Variants in DSC2 observed in about 807,000 individuals in gnomAD.
DSC2 encodes the protein desmocollin 2, also known as desmocollin-2.
In DSC2, 51 loss-of-function variants were observed where a neutral mutation model predicts 87.6. The observed-to-expected ratio is 0.58, with a 90% CI of 0.46 to 0.74. The LOEUF is 0.74. Ranked by LOEUF, DSC2 falls within the 30% of genes least tolerant of loss-of-function variation. DSC2 has a pLI of 0.00. For missense variants in DSC2, 1,066 were observed against 1,089.5 expected (o/e 0.98, Z 0.30); for synonymous variants, 383 against 393.2 (o/e 0.97, Z 0.31).
intron 12 of DSC2, among the ~76,000 whole-genome samples, chr18:31,072,985 A>T (rs1031495112): frequency 4.6e-5 from 7 of 152,214 alleles, no homozygotes; most frequent in African/African-American, 1.7e-4. Context: ...CCATTTTAGT[A>T]AATTGATGCT....
At chr18:31,096,649 TA>T (rs1987769291) in intron 1 of DSC2, among the ~76,000 whole-genome samples, 1 of 152,156 alleles carries the variant, frequency 6.6e-6, no homozygotes, top group Non-Finnish European at 1.5e-5. Context: ...CCAAATTCAA[TA>T]ACCATTCTTA....
intron 11 of DSC2, among the ~76,000 whole-genome samples, chr18:31,079,592 A>C (rs1987135174): frequency 1.3e-5 from 2 of 152,196 alleles, no homozygotes; most frequent in South Asian, 4.1e-4. Context: ...TCAATTTTTA[A>C]TAATTTTAAC....
chr18:31,086,453 A>G (rs753651793), intron 7 of DSC2, 123 bp downstream of exon 7: 3 of 1,219,206 alleles, frequency 2.5e-6, no homozygotes, highest in Non-Finnish European at 2.4e-6. Context: ...ATTAACATAC[A>G]TAAAATAATA....
chr18:31,059,610 A>G lies in DSC2; in HGVS notation c.*8405T>C, dbSNP rs1986462375. 1 of 152,164 alleles carries G rather than the reference A, an allele frequency of 6.6e-6. No individual in the cohort carries two copies. Among genetic ancestry groups the G allele is most frequent in the African/African-American group, 2.4e-5 (1 of 41,448 alleles). The allele number at this position is 152,164 out of a possible 1,614,324, so 9.4% of individuals were successfully genotyped here. A position where few individuals can be genotyped will look rare whatever the true frequency, so the allele number is the denominator to read the frequency against. On this transcript the variant is annotated 3_prime_UTR_variant, in exon 16 of 16. Coordinates refer to ENST00000280904, the MANE Select transcript of DSC2 (RefSeq NM_024422.6). Reference sequence around the variant, plus strand: ...TTCATTTACATGAACTTTTCCCTCAATGTTATAAATTATAAATGCTTGTGG... The same window carrying G: ...TTCATTTACATGAACTTTTCCCTCAGTGTTATAAATTATAAATGCTTGTGG...
intron 1 of DSC2, among the ~76,000 whole-genome samples, chr18:31,099,925 G>A (rs1022302831): frequency 1.3e-5 from 2 of 152,156 alleles, no homozygotes; most frequent in African/African-American, 4.8e-5. Flanking sequence ...CTGGGATGCA[G>A]TGGCATGACC....
chr18:31,101,964 G>T lies in DSC2; in HGVS notation c.8C>A (p.Ala3Glu). 2 of 1,525,430 alleles carry T rather than the reference G, an allele frequency of 1.3e-6. No homozygotes were observed. The highest frequency in any genetic ancestry group is 1.8e-6 in the Non-Finnish European group (2 of 1,142,188). The allele number at this position is 1,525,430 out of a possible 1,614,324, so 94.5% of individuals were successfully genotyped here. The change falls in exon 1 of 16, where the codon GCA becomes GAA. Residue 3 changes from alanine to glutamate, a missense_variant. Coordinates refer to ENST00000280904, the MANE Select transcript of DSC2 (RefSeq NM_024422.6). ...GTTCCAGGAGCCGGAGGGGCGGGCT[G>T]CCTCCATGGAGAGGGCTCGGGGCAG... ME[A>E]ARPSGSWNGA...
chr18:31,098,439 A>C (rs1011724974), intron 1 of DSC2, among the ~76,000 whole-genome samples: 3 of 152,088 alleles, frequency 2.0e-5, no homozygotes, highest in Admixed American at 6.5e-5. Flanking sequence ...GGAGGGAAGA[A>C]CAAAATCTAA....
rs2144781418 is a variant in DSC2, at chr18:31,068,192, T to G, written c.2529A>C (p.Gln843His). ...RLGEKVYLCN[Q>H]DENHKHAQDY... ...CTTGGGCATGCTTGTGATTTTCATC[T>G]TGATTACACAGATACACTTTCTGCC... Residue 843 changes from glutamine to histidine, a missense_variant, in exon 16 of 16, where the codon CAA becomes CAC. Gln to His is a conservative substitution (Grantham distance 24). Coordinates refer to ENST00000280904, the MANE Select transcript of DSC2 (RefSeq NM_024422.6). 6.2e-7 allele frequency: 1 copy of G among 1,614,110 alleles called. No individual in the cohort carries two copies. Among genetic ancestry groups the G allele is most frequent in the Non-Finnish European group, 8.5e-7 (1 of 1,180,002 alleles).
At chr18:31,083,616 T>C (rs1208311707) in intron 7 of DSC2, among the ~76,000 whole-genome samples, 2 of 152,148 alleles carry the variant, frequency 1.3e-5, no homozygotes, top group African/African-American at 4.8e-5. Context: ...AATTTCTTCC[T>C]GCAAAAAATA....
intron 9 of DSC2, among the ~76,000 whole-genome samples, 187 bp from the exon 10 acceptor site, chr18:31,080,539 G>A (rs1034726080): frequency 6.6e-6 from 1 of 152,176 alleles, no homozygotes; most frequent in Non-Finnish European, 1.5e-5. Context: ...ATGTCAAATT[G>A]TAATTCCCAA....
Position 31,082,305 on chromosome 18 carries a change from T to C in DSC2, c.1196A>G (p.Asn399Ser). 1.2e-6 allele frequency: 2 copies of C among 1,613,900 alleles called. No homozygotes were observed. The highest frequency in any genetic ancestry group is 1.7e-6 in the Non-Finnish European group (2 of 1,179,938). Reference protein sequence around the residue: ...WRANYTILKGNENGNFKIVTD... With the variant: ...WRANYTILKGSENGNFKIVTD... ...TACAATTTTAAAATTGCCATTTTCA[T>C]TGCCCTTTAAAATGGTATAATTAGC... is the stretch of plus-strand genomic sequence containing the variant. Residue 399 changes from asparagine to serine, a missense_variant, in exon 9 of 16, where the codon AAT becomes AGT. Transcript: ENST00000280904.
chr18:31,067,916 C>A lies in DSC2; in HGVS notation c.*99G>T, dbSNP rs1300647855. ...TTCCATCCAAATAATGAGAGAAAAA[C>A]CCCCACAAATAGCATCTTCTGCTTT... On this transcript the variant is annotated 3_prime_UTR_variant, in exon 16 of 16. Transcript: ENST00000280904. 2 of 1,079,234 alleles carry A rather than the reference C, an allele frequency of 1.9e-6. No individual in the cohort carries two copies. The highest frequency in any genetic ancestry group is 2.6e-5 in the East Asian group (1 of 39,132). 66.9% of individuals were successfully genotyped at this position (1,079,234 alleles called of 1,614,324 possible).
chr18:31,064,272 AC>A lies in DSC2; in HGVS notation c.*3742del, dbSNP rs1567969125. 6.6e-6 allele frequency: 1 copy of A among 152,176 alleles called. No individual in the cohort carries two copies. Among genetic ancestry groups the A allele is most frequent in the Non-Finnish European group, 1.5e-5 (1 of 68,032 alleles). 9.4% of individuals were successfully genotyped at this position (152,176 alleles called of 1,614,324 possible). The stretch of plus-strand genomic sequence containing the variant: ...AGGCATTAGCCCACTCCTTACATCC[AC>A]CGTGTCTTGACTTGCATTCAAGTGT... On this transcript the variant is annotated 3_prime_UTR_variant, in exon 16 of 16. Coordinates refer to ENST00000280904, the MANE Select transcript of DSC2 (RefSeq NM_024422.6).
At chr18:31,097,696 T>C (rs1987806987) in intron 1 of DSC2, among the ~76,000 whole-genome samples, 1 of 151,884 alleles carries the variant, frequency 6.6e-6, no homozygotes, top group Non-Finnish European at 1.5e-5. Context: ...AGAATGATAT[T>C]TGACCCACAG....
In DSC2 at chr18:31,068,894, T is replaced by C; in HGVS notation, c.2508A>G (p.Glu836=). The change falls in exon 15 of 16, where the codon GAA becomes GAG. Residue 836 remains glutamate (E), a splice_region_variant and synonymous_variant. Transcript: ENST00000280904. Reference sequence around the variant, plus strand: ...TTGTAGGCCACTTAGGAAAACTCACTTCACCAAGACGGGGCTGAGTAAAAC... The same window carrying C: ...TTGTAGGCCACTTAGGAAAACTCACCTCACCAAGACGGGGCTGAGTAAAAC... ...WHSFTQPRLG[E]KVYLCNQDEN... The C allele has an allele frequency of 6.2e-7, 1 of 1,613,210 alleles. No homozygotes were observed. Among genetic ancestry groups the C allele is most frequent in the Non-Finnish European group, 8.5e-7 (1 of 1,179,996 alleles).
rs1064793731 is a variant in DSC2, at chr18:31,070,724, A to G, written c.2250+2T>C. 9 of 1,613,760 alleles carry G rather than the reference A, an allele frequency of 5.6e-6. No homozygotes were observed. The highest frequency in any genetic ancestry group is 7.6e-6 in the Non-Finnish European group (9 of 1,179,746). ...ATTTATTTAAAAAGCCAGACTACTT[A>G]CCACTTTGTCATCTCCAGGAGCTTC... is the stretch of plus-strand genomic sequence containing the variant. On this transcript the variant is annotated splice_donor_variant, in intron 14 of 15. Coordinates refer to ENST00000280904, the MANE Select transcript of DSC2 (RefSeq NM_024422.6). LOFTEE classifies it high-confidence loss of function.
rs1986601640 is a variant in DSC2 at position 31,065,823 on chromosome 18, T to G, written c.*2192A>C. 1 of 152,206 alleles carries G rather than the reference T, an allele frequency of 6.6e-6. No individual in the cohort carries two copies. The highest frequency in any genetic ancestry group is 2.4e-5 in the African/African-American group (1 of 41,450). The allele number at this position is 152,206 out of a possible 1,614,324, so 9.4% of individuals were successfully genotyped here. A position where few individuals can be genotyped will look rare whatever the true frequency, so the allele number is the denominator to read the frequency against. ...CCCATACGAATGCCTCAGCAATCTTTGCACTACGTATTCTGAAAAACTGAA... is the reference window on the plus strand; with the variant it reads ...CCCATACGAATGCCTCAGCAATCTTGGCACTACGTATTCTGAAAAACTGAA... On this transcript the variant is annotated 3_prime_UTR_variant, in exon 16 of 16. Transcript: ENST00000280904.
chr18:31,099,247 GACC>G (rs1025816593), intron 1 of DSC2, among the ~76,000 whole-genome samples: 2 of 149,222 alleles, frequency 1.3e-5, no homozygotes, highest in African/African-American at 4.9e-5. Context: ...CAAAGGACAA[GACC>G]TAGAACAGAA....
intron 1 of DSC2, among the ~76,000 whole-genome samples, chr18:31,094,863 G>C (rs1427248870): frequency 1.3e-5 from 2 of 152,270 alleles, no homozygotes; most frequent in East Asian, 3.9e-4. Context: ...GAGAGAATAG[G>C]AGTAGAATCA....
Sources: allele counts gnomAD v4.1 joint callset (sites outside exome capture counted in the v4.1 genomes callset), GRCh38; gene constraint gnomAD v4.1.1; transcripts MANE v1.5; gene names NCBI Gene and HGNC (gene_info 2026-07-23, HGNC 2026-07-21).